Variants in GPC5 observed in about 807,000 individuals in gnomAD.
GPC5 encodes glypican 5, also known as glypican-5.
Under a neutral mutation model 53.9 loss-of-function variants are expected in GPC5, and 47 were observed. That is an observed-to-expected ratio of 0.87 (90% CI 0.69 to 1.11). GPC5 has a LOEUF of 1.11. GPC5 is among the 50% of genes most tolerant of loss of function. The probability of loss-of-function intolerance (pLI) is 0.00; values close to 1 mark genes in which losing one functional copy is unlikely to be tolerated. For missense variants in GPC5, 748 were observed against 713.1 expected (o/e 1.05, Z -0.56); for synonymous variants, 286 against 263.3 (o/e 1.09, Z -0.84).
At chr13:92,760,911 T>C (rs1042215973) in intron 7 of GPC5, among the ~76,000 whole-genome samples, 10 of 152,310 alleles carry the variant, frequency 6.6e-5, no homozygotes, top group African/African-American at 2.4e-4. Context: ...TTTGACCCAT[T>C]CATTGTTCAG....
intron 7 of GPC5, among the ~76,000 whole-genome samples, chr13:92,179,132 A>G (rs1266031312): frequency 6.6e-6 from 1 of 152,192 alleles, no homozygotes; most frequent in Non-Finnish European, 1.5e-5. Flanking sequence ...AGTAATTAAT[A>G]GTTTCTTTGG....
intron 5 of GPC5, among the ~76,000 whole-genome samples, chr13:91,771,162 T>G (rs2037617663): frequency 6.6e-6 from 1 of 152,154 alleles, no homozygotes; most frequent in Non-Finnish European, 1.5e-5. Flanking sequence ...TTAGGCAAAG[T>G]GCATGAATAG....
intron 7 of GPC5, among the ~76,000 whole-genome samples, chr13:92,683,600 ATTTACT>A (rs1389396364): frequency 1.3e-5 from 2 of 152,094 alleles, no homozygotes; most frequent in Non-Finnish European, 2.9e-5. Flanking sequence ...TATATGAAAA[ATTTACT>A]TTTTCTATTA....
intron 2 of GPC5, among the ~76,000 whole-genome samples, chr13:91,677,061 G>T (rs1230396489): frequency 6.6e-6 from 1 of 152,164 alleles, no homozygotes; most frequent in Non-Finnish European, 1.5e-5. Flanking sequence ...GTAATAACAA[G>T]TGTGGACTGC....
chr13:92,554,867 G>T (rs1470633516), intron 7 of GPC5, among the ~76,000 whole-genome samples: 3 of 150,356 alleles, frequency 2.0e-5, no homozygotes, highest in Admixed American at 6.6e-5. Context: ...TATGAGATCT[G>T]TTAAATCTAC....
chr13:92,408,992 G>T lies in GPC5; in HGVS notation c.1561+264003G>T, dbSNP rs570758653. ...TAAAACTGGAAATTTACTATCGAAG[G>T]TTTGTACAGTAAATGATGTTTTGAA... On this transcript the variant is annotated intron_variant, in intron 7 of 7. Coordinates refer to ENST00000377067, the MANE Select transcript of GPC5 (RefSeq NM_004466.6). Among the ~76,000 whole-genome samples, 101 of 151,962 alleles carry T rather than the reference G, an allele frequency of 6.6e-4. 1 individual carries two copies. The highest frequency in any genetic ancestry group is 2.2e-3 in the African/African-American group (91 of 41,486).
At chr13:92,460,358 C>G (rs997017511) in intron 7 of GPC5, among the ~76,000 whole-genome samples, 1 of 152,092 alleles carries the variant, frequency 6.6e-6, no homozygotes, top group African/African-American at 2.4e-5. Flanking sequence ...CATACATTTA[C>G]TCCCCAAACA....
intron 7 of GPC5, among the ~76,000 whole-genome samples, chr13:92,533,534 A>G (rs1881629388): frequency 6.6e-6 from 1 of 152,096 alleles, no homozygotes; most frequent in African/African-American, 2.4e-5. Flanking sequence ...ATTAAATATA[A>G]GCATGTTTTT....
chr13:92,797,318 T>G (rs544538605), intron 7 of GPC5, among the ~76,000 whole-genome samples: 2 of 151,936 alleles, frequency 1.3e-5, no homozygotes, highest in African/African-American at 4.8e-5. Flanking sequence ...TCACTTAATA[T>G]ATGAATTTAT....
At chr13:92,300,553 AG>A (rs2043068578) in intron 7 of GPC5, among the ~76,000 whole-genome samples, 1 of 152,350 alleles carries the variant, frequency 6.6e-6, no homozygotes, top group African/African-American at 2.4e-5. Flanking sequence ...GGATCAGTCA[AG>A]AGAAGTTAAT....
chr13:92,700,053 G>T (rs1309855251), intron 7 of GPC5, among the ~76,000 whole-genome samples: 1 of 152,090 alleles, frequency 6.6e-6, no homozygotes, highest in African/African-American at 2.4e-5. Flanking sequence ...CTATTATTGT[G>T]TGGGAGTCTA....
chr13:91,562,916 T>C (rs550856382), intron 2 of GPC5, among the ~76,000 whole-genome samples: 1 of 152,040 alleles, frequency 6.6e-6, no homozygotes, highest in Non-Finnish European at 1.5e-5. Context: ...GGATCCATAT[T>C]AAAAATTTTT....
intron 5 of GPC5, among the ~76,000 whole-genome samples, chr13:91,829,716 AAG>A (rs779992430): frequency 6.6e-6 from 1 of 152,050 alleles, no homozygotes; most frequent in Non-Finnish European, 1.5e-5. Context: ...CAGAGTACAA[AAG>A]AGAGAAATTT....
intron 6 of GPC5, among the ~76,000 whole-genome samples, chr13:92,079,271 C>T (rs2041276395): frequency 6.6e-6 from 1 of 151,990 alleles, no homozygotes; most frequent in Admixed American, 6.6e-5. Flanking sequence ...AGGCTGGTCT[C>T]GAACTCCTGA....
chr13:92,105,122 A>T (rs188858676), intron 6 of GPC5, among the ~76,000 whole-genome samples: 1 of 152,034 alleles, frequency 6.6e-6, no homozygotes, highest in Admixed American at 6.6e-5. Context: ...AAGGAAAAAA[A>T]ATGATCATTA....
At chr13:91,597,546 G>C (rs543930104) in intron 2 of GPC5, among the ~76,000 whole-genome samples, 2 of 152,210 alleles carry the variant, frequency 1.3e-5, no homozygotes, top group Non-Finnish European at 2.9e-5. Context: ...TTGGTTATGA[G>C]ATTTTACTGC....
At chr13:92,201,011 GCACA>G (rs201197074) in intron 7 of GPC5, among the ~76,000 whole-genome samples, 2 of 145,036 alleles carry the variant, frequency 1.4e-5, no homozygotes, top group African/African-American at 5.1e-5. Flanking sequence ...ACACACACAC[GCACA>G]CACACGGGAG....
At chr13:92,735,186 G>A (rs1888906112) in intron 7 of GPC5, among the ~76,000 whole-genome samples, 1 of 151,526 alleles carries the variant, frequency 6.6e-6, no homozygotes, top group South Asian at 2.1e-4. Context: ...TTTCTCATTG[G>A]GTAAATAGTA....
At chr13:91,672,935 A>G (rs111505388) in intron 2 of GPC5, among the ~76,000 whole-genome samples, 1 of 152,188 alleles carries the variant, frequency 6.6e-6, no homozygotes, top group Admixed American at 6.5e-5. Context: ...ATTTGCAGGG[A>G]CACGGATGAA....
Sources: allele counts gnomAD v4.1 joint callset (sites outside exome capture counted in the v4.1 genomes callset), GRCh38; gene constraint gnomAD v4.1.1; transcripts MANE v1.5; gene names NCBI Gene and HGNC (gene_info 2026-07-23, HGNC 2026-07-21).